Variants in PHF21A observed in about 807,000 individuals in gnomAD.
The protein encoded by PHF21A is BHC80a.
Under a neutral mutation model 82.5 loss-of-function variants are expected in PHF21A, and 11 were observed. That is an observed-to-expected ratio of 0.13 (90% confidence interval 0.08 to 0.22). The LOEUF (loss-of-function observed/expected upper bound fraction) is 0.22. Ranked by LOEUF, PHF21A falls within the 10% of genes least tolerant of loss-of-function variation. The pLI is 1.00. For missense variants in PHF21A, 579 were observed against 837.8 expected, an observed-to-expected ratio of 0.69 and a Z score of 3.81; for synonymous variants, 297 against 302.8, an observed-to-expected ratio of 0.98 and a Z score of 0.20.
At position 45,936,529 on chromosome 11, in the gene PHF21A, A is replaced by G. The variant is rs1422739110; in HGVS notation, c.1649T>C (p.Leu550Ser). ...GGCAATATAGGAATGAACAATTGCT[A>G]AAGTTCCAGGCCATGGAATTGCTTC... is the stretch of plus-strand genomic sequence containing the variant. ...KEEAIPWPGT[L>S]AIVHSYIAYK... Residue 550 changes from leucine (L) to serine (S), a missense_variant, in exon 17 of 19, where the codon TTA becomes TCA. By Grantham distance (145) the Leu-to-Ser change is moderately radical. Around this residue, in one of 3 missense-constraint regions of PHF21A, gnomAD observed 410 missense variants for 642.1 expected, o/e 0.64. Transcript: ENST00000676320. 1.2e-5 allele frequency: 19 copies of G among 1,613,448 alleles called. No individual in the cohort carries two copies. The highest frequency in any genetic ancestry group is 1.6e-5 in the Non-Finnish European group (19 of 1,179,336).
chr11:46,060,291 C>A (rs1051269993), intron 6 of PHF21A, among the ~76,000 whole-genome samples: 34 of 152,230 alleles, frequency 2.2e-4, no homozygotes, highest in African/African-American at 8.2e-4. Flanking sequence ...AGCCACTACA[C>A]CCCAACCATG....
chr11:45,975,208 A>C (rs1392008425), intron 7 of PHF21A, among the ~76,000 whole-genome samples: 1 of 151,984 alleles, frequency 6.6e-6, no homozygotes, highest in African/African-American at 2.4e-5. Flanking sequence ...CAACTACTTG[A>C]GAGGCTGAGG....
At chr11:46,005,714 A>G (rs1160919950) in intron 6 of PHF21A, among the ~76,000 whole-genome samples, 1 of 152,216 alleles carries the variant, frequency 6.6e-6, no homozygotes, top group Admixed American at 6.5e-5. Flanking sequence ...CTTACTCCCT[A>G]TGAGCAATGA....
At chr11:45,952,065 A>T (rs1336767281) in intron 11 of PHF21A, among the ~76,000 whole-genome samples, 1 of 152,148 alleles carries the variant, frequency 6.6e-6, no homozygotes, top group Non-Finnish European at 1.5e-5. Flanking sequence ...TCAGCCTCCC[A>T]AAGTGGTGGG....
At chr11:46,045,529 G>T (rs2096244229) in intron 6 of PHF21A, among the ~76,000 whole-genome samples, 1 of 152,052 alleles carries the variant, frequency 6.6e-6, no homozygotes, top group African/African-American at 2.4e-5. Flanking sequence ...AGCAAGCTAG[G>T]AATTGGAAAA....
At chr11:46,063,526 T>C (rs2096560539) in intron 6 of PHF21A, among the ~76,000 whole-genome samples, 1 of 152,266 alleles carries the variant, frequency 6.6e-6, no homozygotes, top group East Asian at 1.9e-4. Flanking sequence ...CAAAAACAGG[T>C]GGCAGGACAG....
At chr11:45,993,036 G>A (rs1183506951) in intron 6 of PHF21A, among the ~76,000 whole-genome samples, 1 of 152,124 alleles carries the variant, frequency 6.6e-6, no homozygotes, top group East Asian at 1.9e-4. Flanking sequence ...TAAGCAAAAT[G>A]TAATAATCTC....
rs1480648151 is a variant in PHF21A, at chr11:46,121,264, G to A, written c.-566C>T. 1.1e-4 allele frequency: 17 copies of A among 150,232 alleles called. No individual in the cohort carries two copies. Among genetic ancestry groups the A allele is most frequent in the African/African-American group, 3.9e-4 (16 of 40,712 alleles). The allele number at this position is 150,232 out of a possible 1,614,324, so 9.3% of individuals were successfully genotyped here. On this transcript the variant is annotated 5_prime_UTR_variant, in exon 1 of 19. Transcript: ENST00000676320. Reference sequence around the variant, plus strand: ...GGGGTGGGGAGGAGGGGGTTGGGGGGAGGAACTGGATCCTCCTCCTCCTCC... The same window carrying A: ...GGGGTGGGGAGGAGGGGGTTGGGGGAAGGAACTGGATCCTCCTCCTCCTCC...
intron 1 of PHF21A, among the ~76,000 whole-genome samples, chr11:46,097,481 T>A (rs188585929): frequency 9.1e-4 from 138 of 152,274 alleles, no homozygotes; most frequent in African/African-American, 3.1e-3. Context: ...GCTCACTCCC[T>A]CAAATTATTG....
At chr11:45,942,769 T>C (rs1424504551) in intron 15 of PHF21A, among the ~76,000 whole-genome samples, 3 of 152,212 alleles carry the variant, frequency 2.0e-5, no homozygotes, top group African/African-American at 7.2e-5. Context: ...TATGGTATTC[T>C]GCTGCTCCTT....
chr11:45,953,743 C>A, intron 10 of PHF21A, 118 bp from the exon 11 acceptor site: 1 of 661,252 alleles, frequency 1.5e-6, no homozygotes, highest in Non-Finnish European at 2.7e-6. Flanking sequence ...AAATGTGGAA[C>A]ATATTAATAA....
At chr11:46,076,957 A>G in intron 5 of PHF21A, 138 bp from the exon 6 acceptor site, 1 of 642,896 alleles carries the variant, frequency 1.6e-6, no homozygotes, top group Admixed American at 2.3e-5. Flanking sequence ...CATGCATTAC[A>G]CTGTGGCCAT....
chr11:46,043,485 G>A (rs2959104), intron 6 of PHF21A, among the ~76,000 whole-genome samples: 138,035 of 152,134 alleles, frequency 0.91, 62,798 homozygotes, highest in East Asian at 1. Flanking sequence ...CCCATATCAC[G>A]GTCTATTAGT....
At chr11:46,037,572 C>T (rs1006558355) in intron 6 of PHF21A, among the ~76,000 whole-genome samples, 1 of 151,064 alleles carries the variant, frequency 6.6e-6, no homozygotes, top group Non-Finnish European at 1.5e-5. Flanking sequence ...ATCCGGGAGC[C>T]GCCTCTGTTG....
rs1002142305 is a variant in PHF21A at position 46,076,908 on chromosome 11, T to C, written c.88-89A>G. 4.9e-6 allele frequency: 5 copies of C among 1,018,278 alleles called. No individual in the cohort carries two copies. In the African/African-American group the frequency reaches 7.9e-5, roughly 16 times the overall value. 63.1% of individuals were successfully genotyped at this position (1,018,278 alleles called of 1,614,324 possible). On this transcript the variant is annotated intron_variant, in intron 5 of 18. Coordinates refer to ENST00000676320, the MANE Select transcript of PHF21A (RefSeq NM_001352027.3). ...AAGACTATGCATACTGCATTACAAA[T>C]GATGAAGCAACCCGAAGCATTTAGC... is the stretch of plus-strand genomic sequence containing the variant.
rs1421485738 is a variant in PHF21A, at chr11:45,931,934, A to G, written c.*2034T>C. On this transcript the variant is annotated 3_prime_UTR_variant, in exon 19 of 19. Transcript: ENST00000676320. ...CGGCCAAGCCGAGGCAAGCGCAGCA[A>G]TTCTAGCCCAGGGTCACCCAGGAGG... 1 of 152,310 alleles carries G rather than the reference A, an allele frequency of 6.6e-6. No individual in the cohort carries two copies. Among genetic ancestry groups the G allele is most frequent in the East Asian group, 1.9e-4 (1 of 5,192 alleles). 9.4% of individuals were successfully genotyped at this position (152,310 alleles called of 1,614,324 possible).
At chr11:46,019,642 C>T (rs2095590496) in intron 6 of PHF21A, among the ~76,000 whole-genome samples, 1 of 152,206 alleles carries the variant, frequency 6.6e-6, no homozygotes, top group Non-Finnish European at 1.5e-5. Flanking sequence ...AAATGCTTTA[C>T]TTTTATATTA....
At chr11:45,948,729 A>G (rs1309976665) in intron 14 of PHF21A, among the ~76,000 whole-genome samples, 157 bp downstream of exon 14, 1 of 152,220 alleles carries the variant, frequency 6.6e-6, no homozygotes, top group African/African-American at 2.4e-5. Context: ...AAGAAATCTC[A>G]TTCTCTTTTC....
At chr11:46,015,145 C>T (rs1455775818) in intron 6 of PHF21A, among the ~76,000 whole-genome samples, 4 of 152,068 alleles carry the variant, frequency 2.6e-5, no homozygotes, top group Admixed American at 6.5e-5. Context: ...GTATGTCTCC[C>T]TTCAAAAGTG....
Sources: gnomAD v4.1 joint callset for allele counts (sites outside exome capture counted in the v4.1 genomes callset) on GRCh38, gnomAD v4.1.1 for gene constraint, gnomAD v4.1.1 regional missense constraint, MANE v1.5 for transcripts, NCBI Gene and HGNC (gene_info 2026-07-23, HGNC 2026-07-21) for gene names.